CTNNBL1: variants seen among roughly 807,000 people sequenced by gnomAD.
The protein encoded by CTNNBL1 is beta-catenin-like protein 1.
Under a neutral mutation model 72.7 loss-of-function variants are expected in CTNNBL1, and 31 were observed. The ratio of observed to expected loss-of-function variants is 0.43; its 90% CI spans 0.32 to 0.58. The LOEUF (loss-of-function observed/expected upper bound fraction) is 0.58. CTNNBL1 is among the 20% of genes least tolerant of loss of function. The pLI, the probability that CTNNBL1 is intolerant of heterozygous loss-of-function variation, is 0.08. For missense variants in CTNNBL1, 534 were observed against 725.1 expected, an observed-to-expected ratio of 0.74 and a Z score of 3.03; for synonymous variants, 240 against 267.3, an observed-to-expected ratio of 0.90 and a Z score of 1.00.
intron 15 of CTNNBL1, among the ~76,000 whole-genome samples, chr20:37,871,512 C>T (rs1247373204): frequency 1.3e-5 from 2 of 152,034 alleles, no homozygotes; most frequent in Non-Finnish European, 2.9e-5. Flanking sequence ...GGGTCTAATC[C>T]CCCTAGATTA....
chr20:37,792,777 T>G (rs773304947), intron 10 of CTNNBL1, among the ~76,000 whole-genome samples: 1 of 152,246 alleles, frequency 6.6e-6, no homozygotes, highest in Admixed American at 6.5e-5. Flanking sequence ...TGTAGGTGTT[T>G]ACTGCTATAA....
At chr20:37,821,279 C>T (rs2072104903) in intron 11 of CTNNBL1, among the ~76,000 whole-genome samples, 2 of 152,220 alleles carry the variant, frequency 1.3e-5, no homozygotes, top group Non-Finnish European at 2.9e-5. Context: ...TGGTGGTTGG[C>T]TTGCTTGTTT....
At chr20:37,818,835 T>G (rs930329795) in intron 11 of CTNNBL1, among the ~76,000 whole-genome samples, 1 of 152,106 alleles carries the variant, frequency 6.6e-6, no homozygotes, top group Non-Finnish European at 1.5e-5. Flanking sequence ...GACTTGAAAA[T>G]ATAGTTAATG....
intron 11 of CTNNBL1, among the ~76,000 whole-genome samples, chr20:37,837,812 G>A (rs1454906659): frequency 1.3e-5 from 2 of 152,150 alleles, no homozygotes; most frequent in African/African-American, 2.4e-5. Flanking sequence ...CACCTACCAT[G>A]TGCCAGACAT....
chr20:37,820,813 A>G (rs965190300), intron 11 of CTNNBL1, among the ~76,000 whole-genome samples: 1 of 152,190 alleles, frequency 6.6e-6, no homozygotes. Context: ...GCCCAGTCTC[A>G]GGTAGTATCT....
rs866472114 is a variant in CTNNBL1, at chr20:37,794,320, C to T, written c.1032-8547C>T. Among the ~76,000 whole-genome samples the T allele has an allele frequency of 2.0e-5, 3 of 151,672 alleles. No individual in the cohort carries two copies. The South Asian group carries it at 6.3e-4, about 32-fold the overall frequency. On this transcript the variant is annotated intron_variant, in intron 10 of 15. Coordinates refer to ENST00000361383, the MANE Select transcript of CTNNBL1 (RefSeq NM_030877.5). Reference sequence around the variant, plus strand: ...AAAAAATATTTGCCTTCATCTTTTTCTTTTCTTTTCTTTTGAGACACAGTC... The same window carrying T: ...AAAAAATATTTGCCTTCATCTTTTTTTTTTCTTTTCTTTTGAGACACAGTC...
At chr20:37,850,196 G>GT (rs1555834407) in intron 13 of CTNNBL1, among the ~76,000 whole-genome samples, 9 of 6,790 alleles carry the variant, frequency 1.3e-3, no homozygotes, top group African/African-American at 1.9e-3. Context: ...TGAGCAGTCT[G>GT]TTTTTTTTTT....
intron 7 of CTNNBL1, among the ~76,000 whole-genome samples, chr20:37,773,368 A>G (rs1408671629): frequency 6.6e-6 from 1 of 152,154 alleles, no homozygotes; most frequent in Non-Finnish European, 1.5e-5. Flanking sequence ...CTTTCCAGAA[A>G]AGCAGCAGCT....
intron 11 of CTNNBL1, among the ~76,000 whole-genome samples, chr20:37,837,960 C>T (rs924270169): frequency 6.6e-5 from 10 of 151,990 alleles, no homozygotes; most frequent in Non-Finnish European, 1.3e-4. Context: ...TAACACATGA[C>T]GAAGAGAAAA....
intron 3 of CTNNBL1, among the ~76,000 whole-genome samples, chr20:37,740,108 G>A (rs1003226493): frequency 1.3e-5 from 2 of 152,088 alleles, no homozygotes; most frequent in East Asian, 1.9e-4. Context: ...TAAAAAAATC[G>A]GTAGTGTTTT....
chr20:37,868,004 C>G (rs6021469), intron 15 of CTNNBL1, among the ~76,000 whole-genome samples: 1 of 152,270 alleles, frequency 6.6e-6, no homozygotes, highest in African/African-American at 2.4e-5. Context: ...GGCCGGCTCA[C>G]TGTGGGACCC....
chr20:37,738,580 C>G (rs2073189089), intron 3 of CTNNBL1, among the ~76,000 whole-genome samples: 2 of 152,172 alleles, frequency 1.3e-5, no homozygotes, highest in African/African-American at 4.8e-5. Context: ...ATGCCCAAGG[C>G]CCCCAGGCAA....
intron 4 of CTNNBL1, among the ~76,000 whole-genome samples, chr20:37,754,951 G>T (rs1040390158): frequency 1.3e-5 from 2 of 151,964 alleles, no homozygotes; most frequent in East Asian, 3.9e-4. Flanking sequence ...GGGATTACAG[G>T]CATGTGCCAC....
chr20:37,837,200 T>G (rs1568803758), intron 11 of CTNNBL1, among the ~76,000 whole-genome samples: 1 of 152,120 alleles, frequency 6.6e-6, no homozygotes, highest in Non-Finnish European at 1.5e-5. Flanking sequence ...TTATCCTACT[T>G]TCTCACCCCG....
intron 13 of CTNNBL1, among the ~76,000 whole-genome samples, chr20:37,849,026 G>A (rs1024796552): frequency 1.3e-5 from 2 of 152,174 alleles, no homozygotes; most frequent in East Asian, 3.9e-4. Context: ...TCAAAAATAG[G>A]CATCATCTGT....
At chr20:37,792,195 A>C (rs2073731004) in intron 10 of CTNNBL1, among the ~76,000 whole-genome samples, 3 of 152,080 alleles carry the variant, frequency 2.0e-5, no homozygotes, top group Non-Finnish European at 4.4e-5. Flanking sequence ...TTTTTCTCTG[A>C]TCAGTGTGGC....
intron 10 of CTNNBL1, among the ~76,000 whole-genome samples, chr20:37,800,476 G>A (rs139545489): frequency 9.1e-4 from 138 of 152,176 alleles, no homozygotes; most frequent in African/African-American, 3.2e-3. Context: ...TCTGGTGGCC[G>A]TTTATTTTGC....
chr20:37,797,620 C>T (rs975702710), intron 10 of CTNNBL1, among the ~76,000 whole-genome samples: 6 of 152,146 alleles, frequency 3.9e-5, no homozygotes, highest in Admixed American at 3.9e-4. Flanking sequence ...CCGTGTTCCA[C>T]AGGCATCTCA....
chr20:37,781,152 G>T (rs537527975), intron 10 of CTNNBL1, among the ~76,000 whole-genome samples: 2 of 152,162 alleles, frequency 1.3e-5, no homozygotes, highest in African/African-American at 4.8e-5. Context: ...TGAGTCTTTT[G>T]TTTATCTCCC....
Sources: allele counts gnomAD v4.1 joint callset (sites outside exome capture counted in the v4.1 genomes callset), GRCh38; gene constraint gnomAD v4.1.1; transcripts MANE v1.5; gene names NCBI Gene and HGNC (gene_info 2026-07-23, HGNC 2026-07-21).